IL4I1: variants seen among roughly 807,000 people sequenced by gnomAD.
The protein encoded by IL4I1 is interleukin 4 induced 1.
A neutral mutation model predicts 29.7 loss-of-function variants in IL4I1; 24 were observed. That is an observed-to-expected ratio of 0.81 (90% CI 0.59 to 1.14). The LOEUF (loss-of-function observed/expected upper bound fraction) is 1.14, where lower values mean the gene tolerates loss of function less well. IL4I1 is among the 50% of genes most tolerant of loss of function. IL4I1 has a pLI of 0.00. For missense variants in IL4I1, 686 were observed against 785.6 expected (o/e 0.87, Z 1.52); for synonymous variants, 371 against 352.5 (o/e 1.05, Z -0.59).
Position 49,908,692 on chromosome 19 carries a change from G to C in IL4I1, c.-227-4371C>G, listed in dbSNP as rs1388842094. ...TCTCCACCTCGCGGTGCAGGCTGGTGATCTTTTCTCCATTCTCGATCAGCG... is the reference window on the plus strand; with the variant it reads ...TCTCCACCTCGCGGTGCAGGCTGGTCATCTTTTCTCCATTCTCGATCAGCG... On this transcript the variant is annotated intron_variant, in intron 2 of 9. Coordinates refer to the IL4I1 transcript ENST00000341114. 5 of 1,612,268 alleles carry C rather than the reference G, an allele frequency of 3.1e-6. No homozygotes were observed. The South Asian group carries it at 3.3e-5, about 11-fold the overall frequency.
rs1446069616 is a variant in IL4I1, at chr19:49,889,835, G to A, written c.1539C>T (p.Asp513=). Residue 513 remains aspartate, a synonymous_variant, in exon 8 of 8, where the codon GAC becomes GAT. Transcript: ENST00000391826. ...ATGCGTGCCCCTCGGGGCTGGCCGT[G>A]TCCGATGCAGGCCCCTTCCGGCTGT... The part of the protein sequence containing the change: ...KINSRKGPAS[D]TASPEGHASD... 2 of 1,574,848 alleles carry A rather than the reference G, an allele frequency of 1.3e-6. No homozygotes were observed. Among genetic ancestry groups the A allele is most frequent in the Non-Finnish European group, 1.7e-6 (2 of 1,159,706 alleles).
At chr19:49,909,412 G>T in intron 2 of IL4I1, 1 of 1,613,870 alleles carries the variant, frequency 6.2e-7, no homozygotes. Flanking sequence ...CTGTGCCCTG[G>T]CTGGAGGTGA....
At chr19:49,899,555 TTTTTTTG>T (rs1468771026), upstream of IL4I1, among the ~76,000 whole-genome samples, 2 of 150,288 alleles carry the variant, frequency 1.3e-5, no homozygotes, top group African/African-American at 4.9e-5. Context: ...TGTTTTTTGT[TTTTTTTG>T]TTTTTTTTAA....
intron 2 of IL4I1, among the ~76,000 whole-genome samples, chr19:49,910,356 C>T (rs1001975641): frequency 2.0e-5 from 3 of 151,992 alleles, no homozygotes; most frequent in South Asian, 2.1e-4. Context: ...GAGATGGGGC[C>T]GGGAACCCAG....
chr19:49,908,970 T>TGGCGGTGGC, intron 2 of IL4I1: 1 of 1,608,236 alleles, frequency 6.2e-7, no homozygotes, highest in Non-Finnish European at 8.5e-7. Flanking sequence ...CTGGTGGTGG[T>TGGCGGTGGC]GGCGGTGGCG....
chr19:49,911,892 C>G (rs762781464), intron 2 of IL4I1, among the ~76,000 whole-genome samples: 1 of 152,222 alleles, frequency 6.6e-6, no homozygotes, highest in East Asian at 1.9e-4. Flanking sequence ...GGGCCTGGCC[C>G]GGCCTACATC....
intron 2 of IL4I1, among the ~76,000 whole-genome samples, chr19:49,915,079 G>A (rs1474427087): frequency 1.3e-5 from 2 of 151,904 alleles, no homozygotes; most frequent in Non-Finnish European, 2.9e-5. Flanking sequence ...AGGAGTCTGT[G>A]CCTGGGAAAG....
At chr19:49,895,295 C>T in intron 3 of IL4I1, 115 bp from the exon 4 acceptor site, 2 of 770,236 alleles carry the variant, frequency 2.6e-6, no homozygotes, top group Non-Finnish European at 4.3e-6. Flanking sequence ...GTGGCCCAGA[C>T]CCAGACTAGG....
intron 2 of IL4I1, chr19:49,907,751 G>A: frequency 3.0e-6 from 1 of 337,762 alleles, no homozygotes; most frequent in South Asian, 2.3e-5. Flanking sequence ...GGCCAGGCTG[G>A]TCTCGAACTC....
intron 2 of IL4I1, chr19:49,907,538 T>TA (rs1491369382): frequency 3.5e-5 from 1 of 28,260 alleles, no homozygotes; most frequent in East Asian, 3.8e-3. Context: ...TGGGAGTTTC[T>TA]TTTTTTTTTT....
At chr19:49,918,332 C>T (rs1183411955) in intron 2 of IL4I1, among the ~76,000 whole-genome samples, 1 of 152,058 alleles carries the variant, frequency 6.6e-6, no homozygotes, top group East Asian at 1.9e-4. Flanking sequence ...CCCAAAGTGC[C>T]AAGATTACAG....
chr19:49,912,702 C>CA (rs1337277470), intron 2 of IL4I1, among the ~76,000 whole-genome samples: 1 of 152,010 alleles, frequency 6.6e-6, no homozygotes, highest in African/African-American at 2.4e-5. Context: ...TGTCTCTACA[C>CA]AAAAAACACA....
chr19:49,929,193 C>A (rs1464169246), intron 1 of IL4I1: 1 of 145,566 alleles, frequency 6.9e-6, no homozygotes, highest in African/African-American at 2.5e-5. Context: ...CCCCAGTCCC[C>A]GGGGCCGCCT....
chr19:49,914,309 G>A (rs2075562513), intron 2 of IL4I1, among the ~76,000 whole-genome samples: 1 of 152,174 alleles, frequency 6.6e-6, no homozygotes, highest in South Asian at 2.1e-4. Flanking sequence ...GGAGGAAGCA[G>A]GGAGGAACCC....
exon 3 of IL4I1, chr19:49,904,210 T>C (rs2122562210): frequency 6.6e-6 from 1 of 152,328 alleles, no homozygotes; most frequent in African/African-American, 2.4e-5. Flanking sequence ...TTTAAAAGCC[T>C]CTGATTCCAA....
At chr19:49,907,342 A>T (rs973101013) in intron 2 of IL4I1, 1 of 313,882 alleles carries the variant, frequency 3.2e-6, no homozygotes, top group African/African-American at 2.3e-5. Context: ...GGCAAAAGGC[A>T]GGCCTCTCGG....
In IL4I1 at chr19:49,894,298, G is replaced by A. The variant is rs200883370; in HGVS notation, c.537C>T (p.Pro179=). ...ALRPQEKGHS[P]EDIYQMALNQ... is the part of the protein sequence containing the mutation. ...TGAGAGCCATCTGGTAGATGTCTTC[G>A]GGCGAGTGGCCCTTTTCCTGGGGAC... is the stretch of plus-strand genomic sequence containing the variant. Residue 179 remains proline, a synonymous_variant, in exon 5 of 8, where the codon CCC becomes CCT. Transcript: ENST00000391826. 228 of 1,614,020 alleles carry A rather than the reference G, an allele frequency of 1.4e-4. No individual in the cohort carries two copies. The East Asian group carries it at 3.6e-3, about 25-fold the overall frequency.
chr19:49,904,087 C>T (rs1485847080), intron 3 of IL4I1: 3 of 152,050 alleles, frequency 2.0e-5, no homozygotes, highest in South Asian at 2.1e-4. Context: ...ATCTACTCCC[C>T]TTGGCCTCCC....
upstream of IL4I1, chr19:49,901,686 G>T: frequency 6.5e-7 from 1 of 1,538,614 alleles, no homozygotes; most frequent in Non-Finnish European, 8.8e-7. Context: ...GGCCTTTATG[G>T]TTAGCCCAGG....
Sources: gnomAD v4.1 joint callset for allele counts (sites outside exome capture counted in the v4.1 genomes callset) on GRCh38, gnomAD v4.1.1 for gene constraint, MANE v1.5 for transcripts, NCBI Gene and HGNC (gene_info 2026-07-23, HGNC 2026-07-21) for gene names.